Variants in CNTNAP2 observed in about 807,000 individuals in gnomAD.
The protein encoded by CNTNAP2 is contactin associated protein 2.
In CNTNAP2, 98 loss-of-function variants were observed where a neutral mutation model predicts 155.2. That is an observed-to-expected ratio of 0.63 (90% confidence interval 0.54 to 0.75). The LOEUF (loss-of-function observed/expected upper bound fraction) is 0.75, where lower values mean the gene tolerates loss of function less well. CNTNAP2 is among the 30% of genes least tolerant of loss of function. The pLI, the probability that CNTNAP2 is intolerant of heterozygous loss-of-function variation, is 0.00. For missense variants in CNTNAP2, 1,727 were observed against 1,688.1 expected, an observed-to-expected ratio of 1.02 and a Z score of -0.40; for synonymous variants, 651 against 631.2, an observed-to-expected ratio of 1.03 and a Z score of -0.47.
At chr7:146,878,642 A>T (rs1191324462) in intron 3 of CNTNAP2, among the ~76,000 whole-genome samples, 2 of 152,118 alleles carry the variant, frequency 1.3e-5, no homozygotes, top group Middle Eastern at 3.2e-3. Flanking sequence ...GAGGCCCTTC[A>T]TAAATTGACA....
At chr7:146,277,501 A>G (rs1475405863) in intron 1 of CNTNAP2, among the ~76,000 whole-genome samples, 1 of 152,156 alleles carries the variant, frequency 6.6e-6, no homozygotes, top group Non-Finnish European at 1.5e-5. Flanking sequence ...ATAGAATTGG[A>G]TCATAGAGAG....
chr7:146,829,548 A>G (rs1294511897), intron 2 of CNTNAP2, among the ~76,000 whole-genome samples: 1 of 152,116 alleles, frequency 6.6e-6, no homozygotes, highest in East Asian at 1.9e-4. Context: ...GCAACTGACA[A>G]TGTTAAGTCG....
At chr7:147,770,892 T>C (rs1024775135) in intron 13 of CNTNAP2, among the ~76,000 whole-genome samples, 4 of 152,182 alleles carry the variant, frequency 2.6e-5, no homozygotes, top group Non-Finnish European at 5.9e-5. Flanking sequence ...GGGCCAAGAC[T>C]AGCCAAAACA....
At chr7:146,117,974 G>T (rs1375627495) in intron 1 of CNTNAP2, among the ~76,000 whole-genome samples, 1 of 152,136 alleles carries the variant, frequency 6.6e-6, no homozygotes, top group African/African-American at 2.4e-5. Flanking sequence ...TTAAAAGGAA[G>T]ATTTTTTTGT....
At chr7:147,596,248 A>G (rs953726257) in intron 12 of CNTNAP2, among the ~76,000 whole-genome samples, 1 of 150,506 alleles carries the variant, frequency 6.6e-6, no homozygotes, top group Non-Finnish European at 1.5e-5. Context: ...TCTTTTTCTC[A>G]CTCTCTTTTA....
intron 1 of CNTNAP2, among the ~76,000 whole-genome samples, chr7:146,523,694 G>A (rs538849539): frequency 6.6e-6 from 1 of 152,130 alleles, no homozygotes; most frequent in African/African-American, 2.4e-5. Context: ...TACGTCTTTT[G>A]ACCTAAATGG....
At chr7:147,295,532 A>G (rs1183900966) in intron 8 of CNTNAP2, among the ~76,000 whole-genome samples, 2 of 152,160 alleles carry the variant, frequency 1.3e-5, no homozygotes, top group East Asian at 3.9e-4. Context: ...GGTATTACGA[A>G]TCAAATGCAA....
chr7:147,212,653 T>A (rs548626658), intron 8 of CNTNAP2, among the ~76,000 whole-genome samples: 1 of 152,228 alleles, frequency 6.6e-6, no homozygotes, highest in African/African-American at 2.4e-5. Flanking sequence ...ACAACCCAGG[T>A]GATGGGATCA....
chr7:147,218,881 T>A (rs1803332356), intron 8 of CNTNAP2, among the ~76,000 whole-genome samples: 1 of 152,248 alleles, frequency 6.6e-6, no homozygotes, highest in Non-Finnish European at 1.5e-5. Context: ...CTATCAGTTT[T>A]TGCCTCACAT....
chr7:147,104,031 G>T (rs1268623384), intron 4 of CNTNAP2, among the ~76,000 whole-genome samples: 1 of 152,034 alleles, frequency 6.6e-6, no homozygotes, highest in Non-Finnish European at 1.5e-5. Flanking sequence ...AAAAGTATTA[G>T]TGAAACCCTG....
intron 3 of CNTNAP2, among the ~76,000 whole-genome samples, chr7:146,982,871 T>C (rs530014758): frequency 6.6e-6 from 1 of 152,310 alleles, no homozygotes; most frequent in South Asian, 2.1e-4. Context: ...TTCTTTGATA[T>C]TGTTTAAATT....
At chr7:146,781,270 G>A (rs1314545329) in intron 2 of CNTNAP2, among the ~76,000 whole-genome samples, 1 of 149,716 alleles carries the variant, frequency 6.7e-6, no homozygotes, top group East Asian at 2.0e-4. Flanking sequence ...GTGACAGGTT[G>A]ATAGGTGCAG....
intron 4 of CNTNAP2, among the ~76,000 whole-genome samples, chr7:147,057,670 G>A (rs1810317930): frequency 6.6e-6 from 1 of 152,132 alleles, no homozygotes. Flanking sequence ...AAGTCTCCTA[G>A]TGGCAAAACT....
At chr7:147,502,195 A>G (rs570378733) in intron 11 of CNTNAP2, among the ~76,000 whole-genome samples, 11 of 152,312 alleles carry the variant, frequency 7.2e-5, no homozygotes, top group Middle Eastern at 3.4e-3. Context: ...ATTTCCAATC[A>G]GATGTTTTAT....
intron 1 of CNTNAP2, among the ~76,000 whole-genome samples, chr7:146,268,493 G>A (rs748413241): frequency 6.6e-6 from 1 of 152,268 alleles, no homozygotes; most frequent in East Asian, 1.9e-4. Context: ...CCCTAAGTAG[G>A]AGAGGCATGA....
chr7:146,482,041 CAAT>C (rs1376216374), intron 1 of CNTNAP2, among the ~76,000 whole-genome samples: 2 of 151,594 alleles, frequency 1.3e-5, no homozygotes, highest in African/African-American at 4.8e-5. Context: ...GTAAAACAAT[CAAT>C]AATAAAAAAT....
chr7:146,822,520 T>C (rs1803307600), intron 2 of CNTNAP2, among the ~76,000 whole-genome samples: 2 of 151,068 alleles, frequency 1.3e-5, no homozygotes, highest in Non-Finnish European at 3.0e-5. Flanking sequence ...TGTCCCACCT[T>C]CCCCTGTTTT....
chr7:148,295,884 A>G (rs114791956), intron 21 of CNTNAP2, among the ~76,000 whole-genome samples: 97 of 152,308 alleles, frequency 6.4e-4, no homozygotes, highest in African/African-American at 2.2e-3. Context: ...CAGACACTTA[A>G]GACATTATCG....
At chr7:147,906,438 G>A (rs553362532) in intron 14 of CNTNAP2, among the ~76,000 whole-genome samples, 1 of 151,638 alleles carries the variant, frequency 6.6e-6, no homozygotes, top group South Asian at 2.1e-4. Context: ...ACAGTGCTAG[G>A]ATTACAACCA....
Sources: allele counts gnomAD v4.1 joint callset (sites outside exome capture counted in the v4.1 genomes callset), GRCh38; gene constraint gnomAD v4.1.1; transcripts MANE v1.5; gene names NCBI Gene and HGNC (gene_info 2026-07-23, HGNC 2026-07-21).